KIAA1217: variants seen among roughly 807,000 people sequenced by gnomAD.
KIAA1217 encodes the protein KIAA1217.
A neutral mutation model predicts 163.9 loss-of-function variants in KIAA1217; 88 were observed. The ratio of observed to expected loss-of-function variants is 0.54; its 90% confidence interval spans 0.45 to 0.64. The LOEUF is 0.64. Ranked by LOEUF, KIAA1217 falls within the 30% of genes least tolerant of loss-of-function variation. The pLI, the probability that KIAA1217 is intolerant of heterozygous loss-of-function variation, is 0.00. For synonymous variants in KIAA1217, 903 were observed against 923.1 expected (o/e 0.98, Z 0.39); for missense variants, 2,372 against 2,475.0 (o/e 0.96, Z 0.88).
chr10:24,514,968 G>A (rs1173963943), intron 10 of KIAA1217, among the ~76,000 whole-genome samples: 1 of 150,914 alleles, frequency 6.6e-6, no homozygotes, highest in Non-Finnish European at 1.5e-5. Context: ...CTCCAGCCTG[G>A]GCAACAGAGC....
At chr10:24,205,026 T>G (rs1222514894), upstream of KIAA1217, among the ~76,000 whole-genome samples, 1 of 152,210 alleles carries the variant, frequency 6.6e-6, no homozygotes, top group African/African-American at 2.4e-5. Flanking sequence ...GCATTAATTA[T>G]TTCTTTTGTG....
chr10:23,973,167 T>C (rs1413990210), intron 1 of KIAA1217, among the ~76,000 whole-genome samples: 2 of 97,916 alleles, frequency 2.0e-5, no homozygotes, highest in South Asian at 6.4e-4. Context: ...CTAATACTGA[T>C]GAATTTAAAG....
chr10:24,074,071 T>TG (rs2061283986), intron 2 of KIAA1217, among the ~76,000 whole-genome samples: 1 of 151,970 alleles, frequency 6.6e-6, no homozygotes, highest in Non-Finnish European at 1.5e-5. Context: ...AGGCCAGGCA[T>TG]GGTGGCTCAT....
intron 3 of KIAA1217, among the ~76,000 whole-genome samples, chr10:24,407,873 T>G (rs1280018756): frequency 6.6e-6 from 1 of 151,940 alleles, no homozygotes; most frequent in Non-Finnish European, 1.5e-5. Flanking sequence ...GTCGTGTTCT[T>G]AACAAAAAAA....
intron 1 of KIAA1217, among the ~76,000 whole-genome samples, chr10:23,914,339 G>T (rs972672408): frequency 3.9e-5 from 6 of 152,118 alleles, no homozygotes; most frequent in African/African-American, 1.2e-4. Context: ...TCTAAAGATA[G>T]GATCTCACTC....
intron 2 of KIAA1217, among the ~76,000 whole-genome samples, chr10:24,128,416 T>G (rs2063541450): frequency 6.6e-6 from 1 of 152,244 alleles, no homozygotes. Context: ...TTTAAATAAC[T>G]GGGATCAGCA....
At chr10:24,296,665 G>T in intron 2 of KIAA1217, among the ~76,000 whole-genome samples, 1 of 152,116 alleles carries the variant, frequency 6.6e-6, no homozygotes, top group Non-Finnish European at 1.5e-5. Flanking sequence ...TCTTAAAAAC[G>T]TGGAAACCCT....
chr10:24,442,095 G>GTATAT (rs2060542508), intron 5 of KIAA1217, among the ~76,000 whole-genome samples: 1 of 151,876 alleles, frequency 6.6e-6, no homozygotes. Context: ...ATTTTTACTT[G>GTATAT]TATATAGACA....
At chr10:24,308,945 A>T (rs2042306331) in intron 2 of KIAA1217, among the ~76,000 whole-genome samples, 1 of 152,062 alleles carries the variant, frequency 6.6e-6, no homozygotes, top group Non-Finnish European at 1.5e-5. Flanking sequence ...CAACATGGTG[A>T]AATGCTGTCT....
intron 2 of KIAA1217, among the ~76,000 whole-genome samples, chr10:24,180,125 C>A (rs1243669607): frequency 6.6e-6 from 1 of 152,078 alleles, no homozygotes; most frequent in African/African-American, 2.4e-5. Flanking sequence ...CCTTCTGTAT[C>A]TGCTGTTTCT....
intron 2 of KIAA1217, among the ~76,000 whole-genome samples, chr10:24,353,213 T>C (rs946152389): frequency 3.9e-5 from 6 of 152,310 alleles, no homozygotes; most frequent in East Asian, 1.9e-4. Flanking sequence ...AAAATGGCTG[T>C]GAAACGACAG....
intron 2 of KIAA1217, among the ~76,000 whole-genome samples, chr10:24,343,936 C>T (rs1403019794): frequency 6.6e-6 from 1 of 152,140 alleles, no homozygotes; most frequent in African/African-American, 2.4e-5. Flanking sequence ...TGTTTCATTC[C>T]ATTGAGCTGT....
chr10:24,244,561 CTTTT>C (rs11318420), intron 2 of KIAA1217, among the ~76,000 whole-genome samples: 1 of 85,308 alleles, frequency 1.2e-5, no homozygotes, highest in Non-Finnish European at 2.4e-5. Context: ...TTCTTTCTTT[CTTTT>C]TTTTTTTTTT....
intron 2 of KIAA1217, among the ~76,000 whole-genome samples, chr10:24,199,920 G>A (rs772296274): frequency 4.6e-5 from 7 of 151,896 alleles, no homozygotes; most frequent in Non-Finnish European, 4.4e-5. Context: ...CAGCATTTAG[G>A]AGACATTTTA....
chr10:24,198,537 A>G (rs1307981256), intron 2 of KIAA1217, among the ~76,000 whole-genome samples: 2 of 149,762 alleles, frequency 1.3e-5, no homozygotes, highest in African/African-American at 5.0e-5. Flanking sequence ...TGAACCCGAG[A>G]GGCAGAGGTT....
At chr10:24,386,920 C>T (rs1041143389) in intron 3 of KIAA1217, among the ~76,000 whole-genome samples, 5 of 152,154 alleles carry the variant, frequency 3.3e-5, no homozygotes, top group Non-Finnish European at 7.3e-5. Flanking sequence ...AGAAGTATTG[C>T]TCTGTAGAGT....
intron 1 of KIAA1217, among the ~76,000 whole-genome samples, chr10:23,812,994 T>G (rs1448466470): frequency 6.6e-6 from 1 of 151,748 alleles, no homozygotes; most frequent in Non-Finnish European, 1.5e-5. Context: ...GTAACTATGT[T>G]TAACCATTGA....
chr10:24,499,835 C>T (rs1464497657), intron 8 of KIAA1217, among the ~76,000 whole-genome samples: 1 of 152,198 alleles, frequency 6.6e-6, no homozygotes, highest in Non-Finnish European at 1.5e-5. Context: ...TCCCCTGCTG[C>T]CTCCCCAAGA....
chr10:24,293,650 G>T (rs1484861034), intron 2 of KIAA1217, among the ~76,000 whole-genome samples: 1 of 152,208 alleles, frequency 6.6e-6, no homozygotes, highest in Non-Finnish European at 1.5e-5. Context: ...GGAGTTCCAG[G>T]ATGTCTTGTG....
Sources: allele counts gnomAD v4.1 joint callset (sites outside exome capture counted in the v4.1 genomes callset), GRCh38; gene constraint gnomAD v4.1.1; transcripts MANE v1.5; gene names NCBI Gene and HGNC (gene_info 2026-07-23, HGNC 2026-07-21).